Variants in STK3 observed in about 807,000 individuals in gnomAD.
STK3 encodes serine/threonine kinase 3.
STK3 carries 41 observed loss-of-function variants against 58.0 expected under a neutral mutation model. That is an observed-to-expected ratio of 0.71 (90% CI 0.55 to 0.92). The LOEUF (loss-of-function observed/expected upper bound fraction) is 0.92, where lower values mean the gene tolerates loss of function less well. Among genes scored for constraint, STK3 ranks in the 40% least tolerant of loss-of-function variants. The pLI is 0.00. For missense variants in STK3, 479 were observed against 602.7 expected (o/e 0.79, Z 2.15); for synonymous variants, 170 against 191.0 (o/e 0.89, Z 0.91).
intron 6 of STK3, among the ~76,000 whole-genome samples, chr8:98,696,999 G>C (rs151319712): frequency 0.28 from 42,384 of 152,000 alleles, 6,526 homozygotes; most frequent in Admixed American, 0.41. Flanking sequence ...GACTCTTTTT[G>C]GTTGGTAAGC....
intron 7 of STK3, among the ~76,000 whole-genome samples, chr8:98,582,814 A>G (rs1452006581): frequency 2.6e-5 from 4 of 152,166 alleles, no homozygotes; most frequent in African/African-American, 9.6e-5. Flanking sequence ...TATTAAATCA[A>G]TCACTATATA....
chr8:98,688,513 C>T (rs1025759568), intron 6 of STK3, among the ~76,000 whole-genome samples: 1 of 151,968 alleles, frequency 6.6e-6, no homozygotes, highest in African/African-American at 2.4e-5. Flanking sequence ...GACTGACCAC[C>T]TGCTCAGTCA....
intron 10 of STK3, among the ~76,000 whole-genome samples, chr8:98,485,756 G>A (rs370867249): frequency 6.6e-6 from 1 of 152,178 alleles, no homozygotes; most frequent in Non-Finnish European, 1.5e-5. Context: ...AGAGTTCGGG[G>A]GCACAGAGAA....
chr8:98,810,741 T>G (rs1310040061), intron 1 of STK3, among the ~76,000 whole-genome samples: 1 of 152,206 alleles, frequency 6.6e-6, no homozygotes, highest in Non-Finnish European at 1.5e-5. Context: ...CCAAATCTCA[T>G]GTTGAAATGT....
chr8:98,677,237 C>T (rs541252088), intron 6 of STK3, among the ~76,000 whole-genome samples: 145 of 152,210 alleles, frequency 9.5e-4, no homozygotes, highest in African/African-American at 3.2e-3. Context: ...TTAATCCTCT[C>T]CTCTGGGTCC....
At chr8:98,928,810 C>A (rs1363073837) in intron 1 of STK3, among the ~76,000 whole-genome samples, 2 of 152,196 alleles carry the variant, frequency 1.3e-5, no homozygotes, top group African/African-American at 4.8e-5. Flanking sequence ...TAATTCCCTG[C>A]AAAACTGGCT....
At chr8:98,658,120 T>C (rs971653434) in intron 6 of STK3, among the ~76,000 whole-genome samples, 2 of 152,044 alleles carry the variant, frequency 1.3e-5, no homozygotes, top group African/African-American at 4.8e-5. Flanking sequence ...CTGCTGAACA[T>C]ATGAATTTGT....
chr8:98,442,127 T>C (rs1818718735), intron 1 of STK3, among the ~76,000 whole-genome samples: 2 of 152,258 alleles, frequency 1.3e-5, no homozygotes, highest in Admixed American at 1.3e-4. Flanking sequence ...CAAATTCATT[T>C]AGTGAACCAG....
At position 98,916,654 on chromosome 8, in the gene STK3, GTTA is replaced by G. The variant is rs1270817213; in HGVS notation, c.-79+25721_-79+25723del. 2.6e-5 allele frequency among the ~76,000 whole-genome samples: 4 copies of G among 152,200 alleles called. No homozygotes were observed. The East Asian group carries it at 5.8e-4, about 22-fold the overall frequency. On this transcript the variant is annotated intron_variant, in intron 1 of 1. Transcript: ENST00000519420. ...TGAGTAGCAGCAATACATTACCTAA[GTTA>G]TTATTATTATTGTTATTCATCATGC...
chr8:98,845,679 C>G (rs1836173967), intron 3 of STK3, among the ~76,000 whole-genome samples: 1 of 147,686 alleles, frequency 6.8e-6, no homozygotes, highest in South Asian at 2.1e-4. Context: ...TTAGTCTGGA[C>G]TCTTGCAGTT....
At chr8:98,666,473 A>T (rs1305296184) in intron 6 of STK3, among the ~76,000 whole-genome samples, 11 of 152,194 alleles carry the variant, frequency 7.2e-5, no homozygotes. Flanking sequence ...AAGTGTAGAG[A>T]TTTAGCCTCA....
chr8:98,700,057 G>A (rs919806231), intron 6 of STK3, among the ~76,000 whole-genome samples: 1 of 152,244 alleles, frequency 6.6e-6, no homozygotes, highest in Admixed American at 6.5e-5. Flanking sequence ...ACCTAAGCAA[G>A]CTTGGGTAAT....
Position 98,486,454 on chromosome 8 carries a change from G to C in STK3, c.1318-30454C>G, listed in dbSNP as rs371194917. On this transcript the variant is annotated intron_variant, in intron 10 of 10. Transcript: ENST00000419617. ...TAAAGCCACTAAAGACCGTGTAAAA[G>C]TGCTGAAAAGGTTCAATGAAGTTCC... 2.0e-5 allele frequency among the ~76,000 whole-genome samples: 3 copies of C among 152,324 alleles called. No homozygotes were observed. The South Asian group carries it at 6.2e-4, about 32-fold the overall frequency.
At chr8:98,388,366 G>C (rs1817813657), upstream of STK3, 1 of 152,154 alleles carries the variant, frequency 6.6e-6, no homozygotes, top group African/African-American at 2.4e-5. Flanking sequence ...ATAACTGATG[G>C]GAGACTTCAT....
rs562173337 is a variant in STK3 at position 98,892,464 on chromosome 8, C to T, written c.-78-8630G>A. Among the ~76,000 whole-genome samples, 4 of 152,308 alleles carry T rather than the reference C, an allele frequency of 2.6e-5. No homozygotes were observed. The East Asian group carries it at 5.8e-4, about 22-fold the overall frequency. ...AGGCCCTCAGAATGAAGTCCAGATT[C>T]GTTAATGGGGTTTACAAGCCCTTAT... On this transcript the variant is annotated intron_variant, in intron 1 of 1. Transcript: ENST00000519420.
chr8:98,865,169 C>A lies in STK3; in HGVS notation c.110+18478G>T, dbSNP rs111994974. Among the ~76,000 whole-genome samples, 609 of 152,222 alleles carry A rather than the reference C, an allele frequency of 4.0e-3. 6 individuals are homozygous for A. The highest frequency in any genetic ancestry group is 0.014 in the African/African-American group (577 of 41,540). On this transcript the variant is annotated intron_variant, in intron 3 of 12. Coordinates refer to the STK3 transcript ENST00000523601. ...GCTTTAGAAAGCCAAAGTGGGAGGA[C>A]CACTTGAGACCAGGAGTTCAGGACC...
intron 1 of STK3, among the ~76,000 whole-genome samples, chr8:98,887,562 T>C (rs1033708084): frequency 2.0e-5 from 3 of 152,196 alleles, no homozygotes; most frequent in African/African-American, 7.2e-5. Flanking sequence ...TATGTTTGCC[T>C]TCATTTACTT....
At chr8:98,377,982 C>A (rs1418468417) in intron 2 of STK3, among the ~76,000 whole-genome samples, 3 of 152,166 alleles carry the variant, frequency 2.0e-5, no homozygotes, top group East Asian at 3.8e-4. Flanking sequence ...TCTGCCCCTA[C>A]CTGCCAGGTG....
intron 10 of STK3, among the ~76,000 whole-genome samples, chr8:98,505,321 G>A (rs1349864894): frequency 1.3e-5 from 2 of 152,094 alleles, no homozygotes; most frequent in African/African-American, 4.8e-5. Flanking sequence ...TAGCTTCCTT[G>A]CAATGGGTTC....
Sources: allele counts gnomAD v4.1 joint callset (sites outside exome capture counted in the v4.1 genomes callset), GRCh38; gene constraint gnomAD v4.1.1; transcripts MANE v1.5; gene names NCBI Gene and HGNC (gene_info 2026-07-23, HGNC 2026-07-21).